The following RPS6KA2 variants were observed in gnomAD, a reference collection of about 807,000 sequenced individuals.
RPS6KA2 encodes the protein ribosomal protein S6 kinase A2, also known as ribosomal protein S6 kinase alpha-2.
RPS6KA2 carries 42 observed loss-of-function variants against 91.8 expected under a neutral mutation model. The ratio of observed to expected loss-of-function variants is 0.46; its 90% confidence interval spans 0.36 to 0.59. The LOEUF (loss-of-function observed/expected upper bound fraction) is 0.59. Ranked by LOEUF, RPS6KA2 falls within the 20% of genes least tolerant of loss-of-function variation. The pLI, the probability that RPS6KA2 is intolerant of heterozygous loss-of-function variation, is 0.00. For missense variants in RPS6KA2, 798 were observed against 978.5 expected, an observed-to-expected ratio of 0.82 and a Z score of 2.46; for synonymous variants, 414 against 393.6, an observed-to-expected ratio of 1.05 and a Z score of -0.61.
At chr6:166,538,419 G>C (rs959483790) in intron 2 of RPS6KA2, among the ~76,000 whole-genome samples, 8 of 152,322 alleles carry the variant, frequency 5.3e-5, no homozygotes, top group African/African-American at 1.7e-4. Flanking sequence ...AGCCAAGGGA[G>C]GCTCTAGAGA....
chr6:166,461,791 C>T (rs1037257208), intron 11 of RPS6KA2, among the ~76,000 whole-genome samples: 3 of 152,314 alleles, frequency 2.0e-5, no homozygotes, highest in Admixed American at 6.5e-5. Context: ...CCCACATGGC[C>T]CCTCTAGCTC....
At chr6:166,771,424 G>A (rs184029897) in intron 2 of RPS6KA2, among the ~76,000 whole-genome samples, 3 of 152,276 alleles carry the variant, frequency 2.0e-5, no homozygotes, top group East Asian at 1.9e-4. Flanking sequence ...CCGGAAGCGC[G>A]TGTGTCTAGG....
intron 11 of RPS6KA2, among the ~76,000 whole-genome samples, chr6:166,461,747 C>T (rs574366642): frequency 6.6e-6 from 1 of 152,328 alleles, no homozygotes; most frequent in African/African-American, 2.4e-5. Context: ...CGTATTCATT[C>T]CAGTGTGAAG....
chr6:166,487,549 C>A (rs567323952), intron 10 of RPS6KA2, among the ~76,000 whole-genome samples: 1 of 152,216 alleles, frequency 6.6e-6, no homozygotes, highest in South Asian at 2.1e-4. Flanking sequence ...TATCTGCTTA[C>A]ACAGAGGAGA....
intron 2 of RPS6KA2, among the ~76,000 whole-genome samples, chr6:166,815,836 T>TG (rs1779746758): frequency 6.6e-6 from 1 of 152,240 alleles, no homozygotes; most frequent in Non-Finnish European, 1.5e-5. Context: ...CAGAGGTTTT[T>TG]GCCGTTGCCT....
intron 10 of RPS6KA2, among the ~76,000 whole-genome samples, chr6:166,476,066 T>A (rs995890674): frequency 6.6e-6 from 1 of 152,092 alleles, no homozygotes; most frequent in Admixed American, 6.5e-5. Flanking sequence ...GAGTCCGGCA[T>A]CAGCAGGGCA....
chr6:166,681,698 CCCCG>C (rs796178077), intron 2 of RPS6KA2, among the ~76,000 whole-genome samples: 25 of 80,820 alleles, frequency 3.1e-4, no homozygotes, highest in African/African-American at 1.3e-3. Flanking sequence ...CCGCCCCCCC[CCCCG>C]CCCCCGCCCA....
intron 2 of RPS6KA2, among the ~76,000 whole-genome samples, chr6:166,746,557 T>C (rs997950396): frequency 6.6e-6 from 1 of 152,230 alleles, no homozygotes; most frequent in Non-Finnish European, 1.5e-5. Flanking sequence ...ATTCTGACAC[T>C]ACCGACCTGG....
At chr6:166,611,828 G>T (rs1333463662) in intron 1 of RPS6KA2, among the ~76,000 whole-genome samples, 1 of 152,162 alleles carries the variant, frequency 6.6e-6, no homozygotes, top group African/African-American at 2.4e-5. Flanking sequence ...ACTGGGCAGG[G>T]ATCTCAGGTT....
rs531017034 is a variant in RPS6KA2, at chr6:166,557,276, C to A, written c.100-18492G>T. ...CTCCTGCCGGGGTGAGGACCGTGGGCGCGGAGCATGCTTCCCAAGAACAGC... is the reference window on the plus strand; with the variant it reads ...CTCCTGCCGGGGTGAGGACCGTGGGAGCGGAGCATGCTTCCCAAGAACAGC... On this transcript the variant is annotated intron_variant, in intron 1 of 20. Coordinates refer to ENST00000265678, the MANE Select transcript of RPS6KA2 (RefSeq NM_021135.6). This position sits in a 1 kb window ranked among gnomAD's most constrained non-coding sequence, Gnocchi z 4.8. Among the ~76,000 whole-genome samples the A allele has an allele frequency of 6.6e-6, 1 of 152,198 alleles. No individual in the cohort carries two copies. The highest frequency in any genetic ancestry group is 2.4e-5 in the African/African-American group (1 of 41,440).
chr6:166,425,002 T>G (rs1373186664), intron 16 of RPS6KA2, among the ~76,000 whole-genome samples: 1 of 152,150 alleles, frequency 6.6e-6, no homozygotes, highest in African/African-American at 2.4e-5. Context: ...TGCCCTCCCC[T>G]TCTTTACCTA....
intron 2 of RPS6KA2, among the ~76,000 whole-genome samples, chr6:166,817,449 C>T (rs1227836188): frequency 6.6e-6 from 1 of 152,160 alleles, no homozygotes; most frequent in Non-Finnish European, 1.5e-5. Context: ...AGAGCAGAAA[C>T]ACACAGAGAT....
intron 2 of RPS6KA2, among the ~76,000 whole-genome samples, chr6:166,643,611 T>C (rs1484016225): frequency 6.6e-6 from 1 of 152,252 alleles, no homozygotes; most frequent in African/African-American, 2.4e-5. Flanking sequence ...TCCATTATTA[T>C]TTAGAAAAAT....
intron 2 of RPS6KA2, among the ~76,000 whole-genome samples, chr6:166,674,268 GT>G (rs1788558802): frequency 6.6e-6 from 1 of 152,254 alleles, no homozygotes; most frequent in African/African-American, 2.4e-5. Context: ...ATTTGAAAGA[GT>G]TATTGACTTT....
chr6:166,710,524 A>T (rs1274659267), intron 2 of RPS6KA2, among the ~76,000 whole-genome samples: 2 of 149,600 alleles, frequency 1.3e-5, no homozygotes, highest in African/African-American at 4.9e-5. Flanking sequence ...TGTGTGTGTT[A>T]TGTGTGGTGT....
In RPS6KA2 at chr6:166,513,892, T is replaced by G. The variant is rs180978655; in HGVS notation, c.299-3535A>C. Reference sequence around the variant, plus strand: ...CGGAGTTTAGAGATTCTTTTCTTCCTTTCTGATTGTAGTCATTGTGTGCAA... The same window carrying G: ...CGGAGTTTAGAGATTCTTTTCTTCCGTTCTGATTGTAGTCATTGTGTGCAA... On this transcript the variant is annotated intron_variant, in intron 3 of 20. Transcript: ENST00000265678. Among the ~76,000 whole-genome samples, 217 of 152,352 alleles carry G rather than the reference T, an allele frequency of 1.4e-3. 1 individual carries two copies. The highest frequency in any genetic ancestry group is 3.4e-3 in the Middle Eastern group (1 of 294).
intron 2 of RPS6KA2, among the ~76,000 whole-genome samples, chr6:166,840,478 G>A (rs897141155): frequency 6.6e-6 from 1 of 152,266 alleles, no homozygotes. Flanking sequence ...TGGGGAGCTG[G>A]TTTTCAAATG....
Position 166,480,514 on chromosome 6 carries a change from T to TATATATATATATAA in RPS6KA2, c.907+8318_907+8319insTTATATATATATAT, listed in dbSNP as rs1554279395. 2.0e-3 allele frequency among the ~76,000 whole-genome samples: 223 copies of TATATATATATATAA among 110,390 alleles called. 1 individual carries two copies. The highest frequency in any genetic ancestry group is 2.3e-3 in the Non-Finnish European group (126 of 55,462). 72.4% of individuals were successfully genotyped at this position (110,390 alleles called of 152,430 possible). A position where few individuals can be genotyped will look rare whatever the true frequency, so the allele number is the denominator to read the frequency against. ...ATATATATATATATATATATATATATAATATATTTTTTTTTTTTGAGAGAG... is the reference window on the plus strand; with the variant it reads ...ATATATATATATATATATATATATATATATATATATATAAAATATATTTTTTTTTTTTGAGAGAG... On this transcript the variant is annotated intron_variant, in intron 10 of 20. Coordinates refer to ENST00000265678, the MANE Select transcript of RPS6KA2 (RefSeq NM_021135.6).
intron 3 of RPS6KA2, among the ~76,000 whole-genome samples, chr6:166,510,940 C>T (rs1324106035): frequency 1.3e-5 from 2 of 152,036 alleles, no homozygotes; most frequent in South Asian, 2.1e-4. Context: ...GGTCAGTTTT[C>T]GTCTGTAGAA....
Sources: allele counts gnomAD v4.1 joint callset (sites outside exome capture counted in the v4.1 genomes callset), GRCh38; gene constraint gnomAD v4.1.1; non-coding constraint Gnocchi (gnomAD v3.1); transcripts MANE v1.5; gene names NCBI Gene and HGNC (gene_info 2026-07-23, HGNC 2026-07-21).